Variants in DLG2 observed in about 807,000 individuals in gnomAD.
DLG2 encodes the protein disks large homolog 2.
A neutral mutation model predicts 132.5 loss-of-function variants in DLG2; 45 were observed. The observed-to-expected ratio is 0.34, with a 90% CI of 0.27 to 0.44. DLG2 has a LOEUF of 0.44. Ranked by LOEUF, DLG2 falls within the 20% of genes least tolerant of loss-of-function variation. DLG2 has a pLI of 1.00. For synonymous variants in DLG2, 424 were observed against 419.6 expected, an observed-to-expected ratio of 1.01 and a Z score of -0.13; for missense variants, 1,045 against 1,196.9, an observed-to-expected ratio of 0.87 and a Z score of 1.87.
At chr11:83,572,561 A>G (rs1057329608) in intron 19 of DLG2, among the ~76,000 whole-genome samples, 8 of 152,208 alleles carry the variant, frequency 5.3e-5, no homozygotes, top group Non-Finnish European at 4.4e-5. Flanking sequence ...AGGCAATTGA[A>G]TACTCAGTAC....
chr11:84,791,007 TCA>T (rs2073762252), intron 6 of DLG2, among the ~76,000 whole-genome samples: 1 of 152,196 alleles, frequency 6.6e-6, no homozygotes, highest in Non-Finnish European at 1.5e-5. Context: ...TATAAGTGAC[TCA>T]CAGTTCCGCA....
intron 6 of DLG2, among the ~76,000 whole-genome samples, chr11:84,636,806 C>T (rs1362683767): frequency 4.1e-5 from 6 of 147,640 alleles, no homozygotes; most frequent in Non-Finnish European, 8.9e-5. Context: ...TTTTAGAGGG[C>T]GTTTTGCTCT....
chr11:83,522,168 C>T (rs1401605089), intron 21 of DLG2, among the ~76,000 whole-genome samples: 1 of 152,228 alleles, frequency 6.6e-6, no homozygotes, highest in Non-Finnish European at 1.5e-5. Flanking sequence ...TTACTCCTCA[C>T]AGAGTTAGCT....
chr11:83,672,339 G>C lies in DLG2; in HGVS notation c.1826-39014C>G, dbSNP rs191645717. Among the ~76,000 whole-genome samples, 367 of 151,902 alleles carry C rather than the reference G, an allele frequency of 2.4e-3. 3 individuals are homozygous for C. The highest frequency in any genetic ancestry group is 8.4e-3 in the African/African-American group (349 of 41,444). On this transcript the variant is annotated intron_variant, in intron 18 of 27. Coordinates refer to ENST00000376104, the MANE Select transcript of DLG2 (RefSeq NM_001142699.3). ...GGTTGGGACTACAGGCACCACGCCC[G>C]GCTAATTTTGTACTTTTAGTAGATA...
At chr11:83,938,945 C>T (rs1345796224) in intron 14 of DLG2, among the ~76,000 whole-genome samples, 1 of 152,088 alleles carries the variant, frequency 6.6e-6, no homozygotes, top group Non-Finnish European at 1.5e-5. Context: ...ACCACTTTGA[C>T]CTCTAATTTA....
chr11:84,373,876 GATCTAATCTC>G (rs1360141461), intron 7 of DLG2, among the ~76,000 whole-genome samples: 1 of 152,078 alleles, frequency 6.6e-6, no homozygotes, highest in Non-Finnish European at 1.5e-5. Flanking sequence ...GGTAACACTG[GATCTAATCTC>G]ACAAAATAGA....
At chr11:84,268,167 C>T (rs1248131552) in intron 7 of DLG2, among the ~76,000 whole-genome samples, 1 of 152,114 alleles carries the variant, frequency 6.6e-6, no homozygotes, top group Non-Finnish European at 1.5e-5. Context: ...ATCTTGTAAA[C>T]CCCTGTTTTA....
intron 27 of DLG2, among the ~76,000 whole-genome samples, chr11:83,461,239 G>A (rs537463857): frequency 6.6e-6 from 1 of 151,964 alleles, no homozygotes; most frequent in African/African-American, 2.4e-5. Flanking sequence ...TCGAACTCCT[G>A]ACCTCAGGTG....
chr11:84,960,035 A>C (rs926171454), intron 6 of DLG2, among the ~76,000 whole-genome samples: 7 of 152,346 alleles, frequency 4.6e-5, no homozygotes, highest in African/African-American at 1.7e-4. Flanking sequence ...GGTCTTTGCA[A>C]GGTATTTTGC....
intron 19 of DLG2, among the ~76,000 whole-genome samples, chr11:83,545,692 T>A (rs778488423): frequency 2.6e-5 from 4 of 152,094 alleles, no homozygotes; most frequent in Non-Finnish European, 5.9e-5. Flanking sequence ...AGGGGAACTT[T>A]CCCACTCCTG....
chr11:84,622,791 G>T (rs1449849772), intron 6 of DLG2, among the ~76,000 whole-genome samples: 2 of 152,146 alleles, frequency 1.3e-5, no homozygotes, highest in South Asian at 4.1e-4. Flanking sequence ...CAAAATGGTA[G>T]ATCAAGACCT....
chr11:84,968,904 A>G (rs979215640), intron 6 of DLG2, among the ~76,000 whole-genome samples: 3 of 152,162 alleles, frequency 2.0e-5, no homozygotes, highest in South Asian at 4.1e-4. Context: ...TAACATTTTT[A>G]AAAACACGTT....
chr11:83,926,007 T>G, intron 15 of DLG2, among the ~76,000 whole-genome samples: 1 of 152,180 alleles, frequency 6.6e-6, no homozygotes, highest in Non-Finnish European at 1.5e-5. Context: ...TTCTTGCTTC[T>G]GCAAGCATTA....
chr11:85,147,528 G>C (rs2076946931), intron 5 of DLG2, among the ~76,000 whole-genome samples: 1 of 151,884 alleles, frequency 6.6e-6, no homozygotes, highest in African/African-American at 2.4e-5. Flanking sequence ...TATAAATTTT[G>C]GATATTAACC....
intron 6 of DLG2, among the ~76,000 whole-genome samples, chr11:84,940,854 T>A (rs1389528545): frequency 6.6e-6 from 1 of 152,214 alleles, no homozygotes; most frequent in African/African-American, 2.4e-5. Flanking sequence ...TAGTTTCATA[T>A]TTTCTGGAAT....
intron 6 of DLG2, among the ~76,000 whole-genome samples, chr11:84,996,704 A>G (rs1294077799): frequency 1.3e-5 from 2 of 152,196 alleles, no homozygotes; most frequent in Non-Finnish European, 2.9e-5. Context: ...CACTAATTAC[A>G]CAGTAAATAT....
intron 7 of DLG2, among the ~76,000 whole-genome samples, chr11:84,374,912 CAG>C (rs2098723019): frequency 6.6e-6 from 1 of 152,144 alleles, no homozygotes; most frequent in South Asian, 2.1e-4. Flanking sequence ...ACTCCAATCA[CAG>C]AGAACTGTGT....
intron 10 of DLG2, among the ~76,000 whole-genome samples, chr11:84,075,259 T>C (rs1373955974): frequency 6.6e-6 from 1 of 152,158 alleles, no homozygotes; most frequent in Non-Finnish European, 1.5e-5. Context: ...TACCATATGA[T>C]ATTTTGTGTA....
intron 6 of DLG2, among the ~76,000 whole-genome samples, chr11:84,890,479 T>C (rs780263407): frequency 2.6e-5 from 4 of 152,210 alleles, no homozygotes; most frequent in Non-Finnish European, 5.9e-5. Context: ...GCCAATTCTG[T>C]ACCTATCTGA....
Sources: gnomAD v4.1 joint callset for allele counts (sites outside exome capture counted in the v4.1 genomes callset) on GRCh38, gnomAD v4.1.1 for gene constraint, MANE v1.5 for transcripts, NCBI Gene and HGNC (gene_info 2026-07-23, HGNC 2026-07-21) for gene names.